The following MPDZ variants were observed in gnomAD, a reference collection of about 807,000 sequenced individuals.
The protein encoded by MPDZ is multiple PDZ domain crumbs cell polarity complex component, also known as multiple PDZ domain protein.
MPDZ carries 234 observed loss-of-function variants against 239.1 expected under a neutral mutation model. The ratio of observed to expected loss-of-function variants is 0.98; its 90% CI spans 0.88 to 1.09. The LOEUF is 1.09. Ranked by LOEUF, MPDZ falls within the 50% of genes least tolerant of loss-of-function variation. MPDZ has a pLI of 0.00. For missense variants in MPDZ, 3,175 were observed against 2,510.0 expected (o/e 1.26, Z -5.66); for synonymous variants, 1,048 against 881.3 (o/e 1.19, Z -3.35).
intron 12 of MPDZ, among the ~76,000 whole-genome samples, chr9:13,201,432 C>T (rs1956378895): frequency 6.6e-6 from 1 of 151,846 alleles, no homozygotes; most frequent in Non-Finnish European, 1.5e-5. Context: ...TTGGTTACCT[C>T]TAAGCCTGTA....
chr9:13,120,569 C>A (rs1290260047), intron 38 of MPDZ: 3 of 152,152 alleles, frequency 2.0e-5, no homozygotes, highest in East Asian at 3.9e-4. Flanking sequence ...CAAAAAAAGT[C>A]TATTTTTTAG....
intron 19 of MPDZ, among the ~76,000 whole-genome samples, chr9:13,177,411 T>C (rs1952640542): frequency 6.6e-6 from 1 of 152,122 alleles, no homozygotes; most frequent in South Asian, 2.1e-4. Flanking sequence ...ATCAGTTAGG[T>C]GTTTATCCAT....
At chr9:13,236,061 A>G (rs1001862940) in intron 3 of MPDZ, among the ~76,000 whole-genome samples, 5 of 151,290 alleles carry the variant, frequency 3.3e-5, no homozygotes, top group African/African-American at 7.3e-5. Context: ...GATTATTTTA[A>G]TATTTTAGTT....
intron 39 of MPDZ, among the ~76,000 whole-genome samples, chr9:13,118,548 T>C (rs577019063): frequency 6.6e-6 from 1 of 152,296 alleles, no homozygotes; most frequent in Non-Finnish European, 1.5e-5. Context: ...TTGCTACCCT[T>C]GACATGGGTA....
intron 14 of MPDZ, 104 bp downstream of exon 14, chr9:13,193,063 T>C (rs1386451596): frequency 6.9e-6 from 8 of 1,153,182 alleles, no homozygotes; most frequent in Non-Finnish European, 9.0e-6. Flanking sequence ...TCAAGTCCCC[T>C]TTGGAGGGGA....
intron 36 of MPDZ, among the ~76,000 whole-genome samples, chr9:13,122,939 A>G (rs1184248709): frequency 6.6e-6 from 1 of 152,264 alleles, no homozygotes; most frequent in Non-Finnish European, 1.5e-5. Flanking sequence ...TCACCAGTGT[A>G]GCAGAATATT....
intron 32 of MPDZ, among the ~76,000 whole-genome samples, chr9:13,127,652 G>A (rs1164632031): frequency 6.6e-6 from 1 of 152,124 alleles, no homozygotes; most frequent in Non-Finnish European, 1.5e-5. Context: ...GTGACATCAA[G>A]GTAGGTTTCA....
At chr9:13,230,048 G>T (rs1961915853) in intron 3 of MPDZ, among the ~76,000 whole-genome samples, 1 of 152,068 alleles carries the variant, frequency 6.6e-6, no homozygotes, top group Non-Finnish European at 1.5e-5. Context: ...GACATTTCAT[G>T]AAAGAGGATA....
intron 14 of MPDZ, among the ~76,000 whole-genome samples, 171 bp downstream of exon 14, chr9:13,192,996 C>T (rs1187836306): frequency 1.3e-5 from 2 of 152,130 alleles, no homozygotes; most frequent in Non-Finnish European, 2.9e-5. Flanking sequence ...TAAATGTACA[C>T]ACAGATACAC....
intron 19 of MPDZ, among the ~76,000 whole-genome samples, chr9:13,180,432 G>A (rs573374494): frequency 5.4e-4 from 82 of 152,262 alleles, no homozygotes; most frequent in Non-Finnish European, 1.1e-3. Context: ...ACCGGACAGA[G>A]TAAGAGTATG....
At chr9:13,118,962 C>T (rs772500688) in intron 39 of MPDZ, among the ~76,000 whole-genome samples, 243 of 152,138 alleles carry the variant, frequency 1.6e-3, no homozygotes, top group Non-Finnish European at 3.0e-3. Context: ...AAATTACCTT[C>T]GTTGCATAAG....
chr9:13,232,728 A>G (rs1962853674), intron 3 of MPDZ, among the ~76,000 whole-genome samples: 1 of 151,900 alleles, frequency 6.6e-6, no homozygotes, highest in African/African-American at 2.4e-5. Context: ...GATACAATTA[A>G]AGGAGTGAAA....
chr9:13,237,190 C>T (rs1409091033), intron 3 of MPDZ, among the ~76,000 whole-genome samples: 1 of 151,826 alleles, frequency 6.6e-6, no homozygotes, highest in Non-Finnish European at 1.5e-5. Flanking sequence ...CGCCTGTAAT[C>T]CCAGCACTTT....
At chr9:13,126,968 T>G (rs2131838215) in intron 32 of MPDZ, among the ~76,000 whole-genome samples, 196 bp from the exon 33 acceptor site, 1 of 152,344 alleles carries the variant, frequency 6.6e-6, no homozygotes, top group African/African-American at 2.4e-5. Flanking sequence ...GGAATAAATT[T>G]TCCTCCATCA....
chr9:13,238,454 G>A (rs1964623186), intron 3 of MPDZ, among the ~76,000 whole-genome samples: 1 of 152,140 alleles, frequency 6.6e-6, no homozygotes, highest in African/African-American at 2.4e-5. Context: ...AAAATATGCT[G>A]CAGTCGGCTG....
At chr9:13,135,254 C>T (rs1438821467) in intron 31 of MPDZ, 1 of 152,172 alleles carries the variant, frequency 6.6e-6, no homozygotes, top group East Asian at 1.9e-4. Context: ...TTTTATTCTC[C>T]AGTCCAAAGA....
Position 13,205,976 on chromosome 9 carries a change from A to C in MPDZ, c.1414T>G (p.Ser472Ala), listed in dbSNP as rs1956941770. ...GCATCTTTTGTGACGTCTTCCCTTG[A>C]CATGAGCTCGGCTTCCTGCTTCATT... is the stretch of plus-strand genomic sequence containing the variant. ...RGMKQEAELMSREDVTKDADL... is the reference protein window; with the variant it reads ...RGMKQEAELMAREDVTKDADL... Residue 472 changes from serine to alanine, a missense_variant, in exon 11 of 47, where the codon TCA becomes GCA. Physicochemically the swap from Ser to Ala is moderately conservative, Grantham distance 99. Transcript: ENST00000319217. The C allele has an allele frequency of 6.2e-7, 1 of 1,611,518 alleles. No homozygotes were observed. Among genetic ancestry groups the C allele is most frequent in the Non-Finnish European group, 8.5e-7 (1 of 1,179,032 alleles).
intron 27 of MPDZ, among the ~76,000 whole-genome samples, chr9:13,142,330 C>T (rs1435803261): frequency 6.6e-6 from 1 of 152,052 alleles, no homozygotes; most frequent in Non-Finnish European, 1.5e-5. Context: ...GTGCCCTAAC[C>T]TACCTGACTA....
chr9:13,235,155 C>T (rs1963603443), intron 3 of MPDZ, among the ~76,000 whole-genome samples: 1 of 152,064 alleles, frequency 6.6e-6, no homozygotes, highest in African/African-American at 2.4e-5. Flanking sequence ...GATGGTGGCA[C>T]TCTGATTTAA....
Sources: allele counts gnomAD v4.1 joint callset (sites outside exome capture counted in the v4.1 genomes callset), GRCh38; gene constraint gnomAD v4.1.1; transcripts MANE v1.5; gene names NCBI Gene and HGNC (gene_info 2026-07-23, HGNC 2026-07-21).